FHOD3: variants seen among roughly 807,000 people sequenced by gnomAD.
The protein encoded by FHOD3 is FH1/FH2 domain-containing protein 3.
A neutral mutation model predicts 173.0 loss-of-function variants in FHOD3; 90 were observed. That is an observed-to-expected ratio of 0.52 (90% confidence interval 0.44 to 0.62). The LOEUF is 0.62. Ranked by LOEUF, FHOD3 falls within the 20% of genes least tolerant of loss-of-function variation. The probability of loss-of-function intolerance (pLI) is 0.00; values close to 1 mark genes in which losing one functional copy is unlikely to be tolerated. For missense variants in FHOD3, 1,945 were observed against 2,034.7 expected (o/e 0.96, Z 0.85); for synonymous variants, 828 against 823.0 (o/e 1.01, Z -0.10).
chr18:36,450,997 G>T (rs907835144), intron 3 of FHOD3, among the ~76,000 whole-genome samples: 1 of 152,168 alleles, frequency 6.6e-6, no homozygotes, highest in Non-Finnish European at 1.5e-5. Context: ...AATCATGTCT[G>T]TTCGTTATTT....
At chr18:36,739,581 T>G in intron 20 of FHOD3, among the ~76,000 whole-genome samples, 1 of 152,244 alleles carries the variant, frequency 6.6e-6, no homozygotes, top group East Asian at 1.9e-4. Context: ...CTGCGTTGAG[T>G]CTTTCAATCC....
chr18:36,698,321 TC>T (rs35788149), intron 17 of FHOD3, among the ~76,000 whole-genome samples: 3 of 152,360 alleles, frequency 2.0e-5, no homozygotes, highest in South Asian at 2.1e-4. Context: ...TCTAAAAATT[TC>T]CCTTTTTCTC....
chr18:36,485,782 A>G (rs940514228), intron 3 of FHOD3, among the ~76,000 whole-genome samples: 36 of 152,218 alleles, frequency 2.4e-4, no homozygotes, highest in African/African-American at 8.7e-4. Context: ...TAACTATTCC[A>G]GAAGTCAGCC....
At chr18:36,552,041 T>G (rs2057678839) in intron 5 of FHOD3, among the ~76,000 whole-genome samples, 1 of 152,208 alleles carries the variant, frequency 6.6e-6, no homozygotes, top group Non-Finnish European at 1.5e-5. Flanking sequence ...AAGAAAGTCA[T>G]TGGTAGCTTG....
At chr18:36,314,416 A>G (rs2044020359) in intron 1 of FHOD3, among the ~76,000 whole-genome samples, 1 of 152,254 alleles carries the variant, frequency 6.6e-6, no homozygotes, top group Admixed American at 6.5e-5. Context: ...TAGAGAAATT[A>G]GAGTGTGAAA....
intron 7 of FHOD3, among the ~76,000 whole-genome samples, chr18:36,598,437 C>T (rs778164239): frequency 1.3e-5 from 2 of 152,162 alleles, no homozygotes; most frequent in Non-Finnish European, 2.9e-5. Context: ...CTTCATTCTG[C>T]AGTGTGGGCA....
chr18:36,613,677 TGTTG>T (rs779891256), intron 9 of FHOD3, among the ~76,000 whole-genome samples: 1 of 152,048 alleles, frequency 6.6e-6, no homozygotes, highest in African/African-American at 2.4e-5. Flanking sequence ...GTTGGTTGGT[TGTTG>T]GTTGTTTTTT....
rs1357732023 is a variant in FHOD3 at position 36,602,812 on chromosome 18, A to T, written c.813+44A>T. 3.5e-6 allele frequency: 5 copies of T among 1,441,216 alleles called. No individual in the cohort carries two copies. The Admixed American group carries it at 5.0e-5, about 14-fold the overall frequency. 89.3% of individuals were successfully genotyped at this position (1,441,216 alleles called of 1,614,324 possible). On this transcript the variant is annotated intron_variant, in intron 8 of 28. Coordinates refer to ENST00000590592, the MANE Select transcript of FHOD3 (RefSeq NM_001281740.3). ...GGGTTGAATTGCGTCACCTAAAAAGATATGTTAAAGCCCTGACCCCTGGTA... is the reference window on the plus strand; with the variant it reads ...GGGTTGAATTGCGTCACCTAAAAAGTTATGTTAAAGCCCTGACCCCTGGTA...
chr18:36,601,690 A>G lies in FHOD3; in HGVS notation c.719-984A>G. 1.3e-5 allele frequency among the ~76,000 whole-genome samples: 2 copies of G among 152,246 alleles called. 1 individual carries two copies. The highest frequency in any genetic ancestry group is 2.9e-5 in the Non-Finnish European group (2 of 68,044). ...TCCAAGTTTACTTTTCTCAAGTAAA[A>G]ATAAGCAATATCCCTTTGAGATCTT... On this transcript the variant is annotated intron_variant, in intron 7 of 28. Coordinates refer to ENST00000590592, the MANE Select transcript of FHOD3 (RefSeq NM_001281740.3).
At chr18:36,315,544 G>A (rs78128570) in intron 1 of FHOD3, among the ~76,000 whole-genome samples, 4,897 of 152,174 alleles carry the variant, frequency 0.032, 259 homozygotes, top group African/African-American at 0.11. Context: ...TGGGGGTTAA[G>A]GGGTCCTGGG....
intron 3 of FHOD3, among the ~76,000 whole-genome samples, chr18:36,459,338 AT>A (rs2052415968): frequency 6.6e-6 from 1 of 152,260 alleles, no homozygotes; most frequent in South Asian, 2.1e-4. Context: ...TACATTGCTG[AT>A]GTGGCATGAG....
chr18:36,418,358 T>C (rs918730755), intron 3 of FHOD3, among the ~76,000 whole-genome samples: 1 of 152,234 alleles, frequency 6.6e-6, no homozygotes, highest in African/African-American at 2.4e-5. Context: ...TTGAATACAA[T>C]GCTTTATTCT....
intron 1 of FHOD3, among the ~76,000 whole-genome samples, chr18:36,343,532 A>G (rs754792463): frequency 3.3e-5 from 5 of 152,148 alleles, no homozygotes; most frequent in Admixed American, 6.5e-5. Flanking sequence ...TCATGAACAG[A>G]TTAATGCCCA....
intron 3 of FHOD3, among the ~76,000 whole-genome samples, chr18:36,473,499 T>C (rs1475371177): frequency 6.6e-6 from 1 of 152,198 alleles, no homozygotes; most frequent in South Asian, 2.1e-4. Flanking sequence ...GGGTGATGAG[T>C]TAACTCATTG....
At chr18:36,630,010 T>G (rs764959348) in intron 10 of FHOD3, among the ~76,000 whole-genome samples, 1 of 151,998 alleles carries the variant, frequency 6.6e-6, no homozygotes, top group Non-Finnish European at 1.5e-5. Flanking sequence ...ATTATCTGTT[T>G]TAAAATGTCA....
At chr18:36,317,655 A>T (rs2044194977) in intron 1 of FHOD3, among the ~76,000 whole-genome samples, 1 of 151,974 alleles carries the variant, frequency 6.6e-6, no homozygotes, top group Non-Finnish European at 1.5e-5. Flanking sequence ...GATTGCAAAA[A>T]TTTTCTCCCA....
chr18:36,541,951 C>T (rs192601753), intron 5 of FHOD3, among the ~76,000 whole-genome samples: 89 of 152,250 alleles, frequency 5.8e-4, no homozygotes, highest in Non-Finnish European at 1.1e-3. Context: ...GGTATACTAG[C>T]CCCAGGGAGA....
intron 5 of FHOD3, among the ~76,000 whole-genome samples, chr18:36,569,583 T>C (rs2058384663): frequency 6.6e-6 from 1 of 152,152 alleles, no homozygotes; most frequent in Non-Finnish European, 1.5e-5. Flanking sequence ...ATCAACCAAA[T>C]AGTTCTAATT....
intron 5 of FHOD3, among the ~76,000 whole-genome samples, chr18:36,553,809 A>G (rs2057761139): frequency 6.6e-6 from 1 of 152,220 alleles, no homozygotes; most frequent in Admixed American, 6.5e-5. Flanking sequence ...AAACAACCCT[A>G]TCAAAAAGTG....
Sources: allele counts gnomAD v4.1 joint callset (sites outside exome capture counted in the v4.1 genomes callset), GRCh38; gene constraint gnomAD v4.1.1; transcripts MANE v1.5; gene names NCBI Gene and HGNC (gene_info 2026-07-23, HGNC 2026-07-21).